UBR4: variants seen among roughly 807,000 people sequenced by gnomAD.
The protein encoded by UBR4 is ubiquitin protein ligase E3 component n-recognin 4.
A neutral mutation model predicts 575.6 loss-of-function variants in UBR4; 124 were observed. That is an observed-to-expected ratio of 0.22 (90% CI 0.19 to 0.25). The LOEUF (loss-of-function observed/expected upper bound fraction) is 0.25, where lower values mean the gene tolerates loss of function less well. Among genes scored for constraint, UBR4 ranks in the 10% least tolerant of loss-of-function variants. The pLI is 1.00. For synonymous variants in UBR4, 2,455 were observed against 2,473.7 expected (o/e 0.99, Z 0.22); for missense variants, 4,818 against 6,478.8 (o/e 0.74, Z 8.80).
chr1:19,190,081 G>A (rs781018793), intron 11 of UBR4, among the ~76,000 whole-genome samples: 31 of 151,192 alleles, frequency 2.1e-4, no homozygotes, highest in South Asian at 1.0e-3. Flanking sequence ...GAGGCCAGGA[G>A]TTCAATACCA....
At position 19,157,873 on chromosome 1, in the gene UBR4, A is replaced by G. The variant is rs1415695724; in HGVS notation, c.5702T>C (p.Val1901Ala). ...GCGGCGCCCATGGGGAGAGGAGAGC[A>G]CACACATAGCCACCCGCCTGAGCAC... ...AHVLRRVAMC[V>A]LSSPHGRRQH... The change falls in exon 40 of 106, where the codon GTG becomes GCG. Residue 1901 changes from valine to alanine, a missense_variant. By Grantham distance (64) the Val-to-Ala change is moderately conservative. This residue lies in a region of UBR4 where 461 missense variants were observed against 606.9 expected (regional missense o/e 0.76). Transcript: ENST00000375254. The surrounding 1 kb of genome is among the most constrained non-coding windows in gnomAD (Gnocchi z 4.4). The G allele has an allele frequency of 1.2e-6, 2 of 1,614,238 alleles. No individual in the cohort carries two copies. The highest frequency in any genetic ancestry group is 1.7e-6 in the Non-Finnish European group (2 of 1,180,034).
rs61759874 is a variant in UBR4, at chr1:19,160,955, G to A, written c.5368C>T (p.Arg1790Cys). Residue 1790 changes from arginine to cysteine, a missense_variant, in exon 38 of 106, where the codon CGC (arginine) becomes TGC (cysteine). This residue lies in a region of UBR4 where 159 missense variants were observed against 174.6 expected (regional missense o/e 0.91). Transcript: ENST00000375254. ...TCCTCCCGGCAGCCCTCTACTGTGC[G>A]GCAGAGGCTGCTCTTCTTGGGCTTC... The part of the protein sequence containing the change: ...EEKPKKSSLC[R>C]TVEGCREELQ... 4.1e-5 allele frequency: 66 copies of A among 1,614,094 alleles called. No homozygotes were observed. The highest frequency in any genetic ancestry group is 8.0e-5 in the African/African-American group (6 of 75,004).
chr1:19,151,647 G>T lies in UBR4; in HGVS notation c.7209C>A (p.Leu2403=), dbSNP rs569493832. Residue 2403 remains leucine, a synonymous_variant, in exon 48 of 106, where the codon CTC becomes CTA. Coordinates refer to ENST00000375254, the MANE Select transcript of UBR4 (RefSeq NM_020765.3). Reference sequence around the variant, plus strand: ...CACCAGGGGTTGGTGACTCACTGAAGAGGTTCAGCTTCTTATCAGCCTGCA... The same window carrying T: ...CACCAGGGGTTGGTGACTCACTGAATAGGTTCAGCTTCTTATCAGCCTGCA... ...EALQADKKLN[L]FIGASVDPAG... The T allele has an allele frequency of 2.7e-5, 44 of 1,614,208 alleles. No individual in the cohort carries two copies. The African/African-American group carries it at 4.7e-4, about 17-fold the overall frequency.
intron 28 of UBR4, 86 bp from the exon 29 acceptor site, chr1:19,167,317 C>G: frequency 6.8e-7 from 1 of 1,464,658 alleles, no homozygotes; most frequent in Non-Finnish European, 9.5e-7. Context: ...AATTACTTGC[C>G]GGGGAAGAGG....
At chr1:19,125,003 C>CA (rs1048647636) in intron 64 of UBR4, among the ~76,000 whole-genome samples, 18 of 149,028 alleles carry the variant, frequency 1.2e-4, no homozygotes, top group Non-Finnish European at 2.4e-4. Context: ...CTAGAAAGGC[C>CA]AAAAAAATTG....
chr1:19,111,954 C>T (rs1414642211), intron 78 of UBR4: 1 of 152,118 alleles, frequency 6.6e-6, no homozygotes, highest in Non-Finnish European at 1.5e-5. Flanking sequence ...CGAGGTTTTA[C>T]CATGTTGGCC....
intron 5 of UBR4, 105 bp downstream of exon 5, chr1:19,198,436 A>G: frequency 2.8e-6 from 4 of 1,424,376 alleles, no homozygotes; most frequent in Admixed American, 2.2e-5. Flanking sequence ...ACAGACATGT[A>G]TATCATTTTA....
rs1025769273 is a variant in UBR4 at position 19,105,813 on chromosome 1, T to C, written c.12423A>G (p.Ala4141=). The C allele has an allele frequency of 1.9e-6, 3 of 1,607,982 alleles. No homozygotes were observed. Among genetic ancestry groups the C allele is most frequent in the Admixed American group, 1.7e-5 (1 of 58,278 alleles). Residue 4141 remains alanine (A), a synonymous_variant, in exon 84 of 106, where the codon GCA becomes GCG. Transcript: ENST00000375254. ...QVLFTPATQA[A]RQAACTIVEA... ...CCACAATGGTACAGGCTGCCTGCCG[T>C]GCGGCCTGCGTTGCTGGAGTGAAAA...
Position 19,146,862 on chromosome 1 carries a change from G to T in UBR4, c.7768C>A (p.His2590Asn). The T allele has an allele frequency of 6.2e-7, 1 of 1,614,042 alleles. No homozygotes were observed. The highest frequency in any genetic ancestry group is 8.5e-7 in the Non-Finnish European group (1 of 1,179,958). Residue 2590 changes from histidine (H) to asparagine (N), a missense_variant, in exon 52 of 106, where the codon CAC (histidine) becomes AAC (asparagine). His to Asn is a moderately conservative substitution (Grantham distance 68, BLOSUM62 1). Around this residue, in one of 29 missense-constraint regions of UBR4, gnomAD observed 340 missense variants for 375.4 expected, o/e 0.91. Coordinates refer to ENST00000375254, the MANE Select transcript of UBR4 (RefSeq NM_020765.3). ...IAIMRPNNLV[H>N]FTESKLPQME... ...TGGGGCAGCTTTGACTCCGTAAAGT[G>T]GACAAGGTTGTTGGGGCGCATGATG...
intron 59 of UBR4, 77 bp from the exon 60 acceptor site, chr1:19,138,258 A>G: frequency 1.4e-6 from 2 of 1,394,318 alleles, no homozygotes; most frequent in Non-Finnish European, 1.9e-6. Context: ...AAGCAGCAGC[A>G]ATAGTTAAGA....
chr1:19,205,008 T>C (rs375549929), intron 1 of UBR4, among the ~76,000 whole-genome samples: 1 of 152,058 alleles, frequency 6.6e-6, no homozygotes. Context: ...GAAGCAAATA[T>C]AAGCACGGGA....
intron 53 of UBR4, among the ~76,000 whole-genome samples, chr1:19,145,441 T>C (rs1415137203): frequency 1.3e-5 from 2 of 151,884 alleles, no homozygotes; most frequent in African/African-American, 4.8e-5. Context: ...CTCAAGATAC[T>C]TGTGCCTTTT....
In UBR4 at chr1:19,110,159, G is replaced by C. The variant is rs774037466; in HGVS notation, c.12042C>G (p.Leu4014=). Residue 4014 remains leucine, a synonymous_variant, in exon 81 of 106, where the codon CTC becomes CTG. Coordinates refer to ENST00000375254, the MANE Select transcript of UBR4 (RefSeq NM_020765.3). This position sits in a 1 kb window ranked among gnomAD's most constrained non-coding sequence, Gnocchi z 4.5. ...GCTTCTGCAAGATCCTCAGGCACAT[G>C]AGGGTAATGTTTTCAACCACCACAG... ...KTPVVVENIT[L]MCLRILQKLI... is the part of the protein sequence containing the mutation. The C allele has an allele frequency of 1.2e-6, 2 of 1,614,210 alleles. No homozygotes were observed. Among genetic ancestry groups the C allele is most frequent in the Admixed American group, 3.3e-5 (2 of 60,028 alleles).
In UBR4 at chr1:19,192,198, G is replaced by T. The variant is rs748570286; in HGVS notation, c.1384C>A (p.Pro462Thr). 6.2e-7 allele frequency: 1 copy of T among 1,613,558 alleles called. No individual in the cohort carries two copies. The highest frequency in any genetic ancestry group is 8.5e-7 in the Non-Finnish European group (1 of 1,179,838). Residue 462 changes from proline to threonine, a missense_variant, in exon 11 of 106, where the codon CCT becomes ACT. Pro to Thr is a conservative substitution (Grantham distance 38, BLOSUM62 -1). Transcript: ENST00000375254. ...KEGVGSPKLG[P>T]GKGHQGFGVL... is the part of the protein sequence containing the mutation. ...CAAGTAGACACATACCCTTTTCCAGGCCCCAGTTTAGGGGAGCCCACTCCC... is the reference window on the plus strand; with the variant it reads ...CAAGTAGACACATACCCTTTTCCAGTCCCCAGTTTAGGGGAGCCCACTCCC...
chr1:19,185,413 G>A lies in UBR4; in HGVS notation c.1751-127C>T. The A allele has an allele frequency of 2.2e-6, 2 of 917,172 alleles. 1 individual carries two copies. The highest frequency in any genetic ancestry group is 3.1e-6 in the Non-Finnish European group (2 of 643,256). 56.8% of individuals were successfully genotyped at this position (917,172 alleles called of 1,614,324 possible). ...ATCCCAATTGTGATGATGGTTACAAGATTGCATTTGTGTATCAAAACTCAT... is the reference window on the plus strand; with the variant it reads ...ATCCCAATTGTGATGATGGTTACAAAATTGCATTTGTGTATCAAAACTCAT... On this transcript the variant is annotated intron_variant, in intron 14 of 105. Transcript: ENST00000375254.
intron 27 of UBR4, among the ~76,000 whole-genome samples, chr1:19,169,103 C>T (rs746706280): frequency 2.0e-5 from 3 of 152,114 alleles, no homozygotes; most frequent in East Asian, 1.9e-4. Context: ...AGAGTTAACA[C>T]GTATTGGGAA....
At chr1:19,119,010 T>TG in intron 70 of UBR4, 53 bp from the exon 71 acceptor site, 2 of 1,556,100 alleles carry the variant, frequency 1.3e-6, no homozygotes, top group Non-Finnish European at 1.8e-6. Context: ...GAAGTCTTAT[T>TG]GGAAAAGACT....
At chr1:19,108,340 T>C (rs1263122872) in intron 81 of UBR4, among the ~76,000 whole-genome samples, 2 of 152,154 alleles carry the variant, frequency 1.3e-5, no homozygotes, top group Non-Finnish European at 2.9e-5. Context: ...TGAGGAAAAA[T>C]CTGCCAAATA....
chr1:19,177,730 T>G lies in UBR4; in HGVS notation c.2368A>C (p.Met790Leu), dbSNP rs199620126. 3 of 1,612,986 alleles carry G rather than the reference T, an allele frequency of 1.9e-6. No individual in the cohort carries two copies. Among genetic ancestry groups the G allele is most frequent in the African/African-American group, 1.3e-5 (1 of 74,918 alleles). ...ACACCTTGCAGGGCATTCTGCTTCA[T>G]TGTAGACAAAAACCTACCAGAGAGA... ...LKVWDRFLST[M>L]KQNALQGVVP... The change falls in exon 19 of 106, where the codon ATG becomes CTG. Residue 790 changes from methionine to leucine, a missense_variant. By Grantham distance (15) the Met-to-Leu change is conservative (BLOSUM62 2). Around this residue, in one of 29 missense-constraint regions of UBR4, gnomAD observed 1,172 missense variants for 1,259.7 expected, o/e 0.93. Coordinates refer to ENST00000375254, the MANE Select transcript of UBR4 (RefSeq NM_020765.3).
Sources: allele counts gnomAD v4.1 joint callset (sites outside exome capture counted in the v4.1 genomes callset), GRCh38; gene constraint gnomAD v4.1.1; regional missense constraint gnomAD v4.1.1; non-coding constraint Gnocchi (gnomAD v3.1); transcripts MANE v1.5; gene names NCBI Gene and HGNC (gene_info 2026-07-23, HGNC 2026-07-21).